The following TMCO4 variants were observed in gnomAD, a reference collection of about 807,000 sequenced individuals.
TMCO4 encodes the protein transmembrane and coiled-coil domain-containing protein 4.
A neutral mutation model predicts 64.7 loss-of-function variants in TMCO4; 58 were observed. That is an observed-to-expected ratio of 0.90 (90% CI 0.73 to 1.12). The LOEUF (loss-of-function observed/expected upper bound fraction) is 1.12, where lower values mean the gene tolerates loss of function less well. Ranked by LOEUF, TMCO4 falls within the 50% of genes most tolerant of loss-of-function variation. The pLI, the probability that TMCO4 is intolerant of heterozygous loss-of-function variation, is 0.00. For synonymous variants in TMCO4, 325 were observed against 346.1 expected, an observed-to-expected ratio of 0.94 and a Z score of 0.68; for missense variants, 780 against 825.9, an observed-to-expected ratio of 0.94 and a Z score of 0.68.
chr1:19,782,812 A>G (rs2043553454), intron 3 of TMCO4, among the ~76,000 whole-genome samples: 1 of 152,188 alleles, frequency 6.6e-6, no homozygotes, highest in Non-Finnish European at 1.5e-5. Context: ...CAGGCTCAGG[A>G]CCAGACAGAC....
chr1:19,746,331 G>C, intron 9 of TMCO4, 125 bp downstream of exon 9: 2 of 1,419,198 alleles, frequency 1.4e-6, no homozygotes, highest in East Asian at 5.0e-5. Context: ...CCCAGAGTGA[G>C]AAAAGCCACG....
intron 13 of TMCO4, among the ~76,000 whole-genome samples, chr1:19,731,459 G>A (rs1278382373): frequency 6.6e-6 from 1 of 152,186 alleles, no homozygotes. Flanking sequence ...TCACATAAGT[G>A]GAGTTCAGAG....
chr1:19,747,078 G>C, intron 8 of TMCO4, 85 bp downstream of exon 8: 1 of 1,401,442 alleles, frequency 7.1e-7, no homozygotes, highest in Non-Finnish European at 1.0e-6. Context: ...CTGAGCCCCT[G>C]CACTCTCCAC....
intron 10 of TMCO4, among the ~76,000 whole-genome samples, chr1:19,742,330 T>C (rs1375671763): frequency 6.6e-6 from 1 of 152,170 alleles, no homozygotes; most frequent in African/African-American, 2.4e-5. Flanking sequence ...CAAAGCCTGG[T>C]GATGTGATGT....
At chr1:19,765,257 T>A (rs2042681479) in intron 6 of TMCO4, among the ~76,000 whole-genome samples, 1 of 152,152 alleles carries the variant, frequency 6.6e-6, no homozygotes, top group Non-Finnish European at 1.5e-5. Context: ...TTCTCCCCTG[T>A]AAGAGCAGGT....
At chr1:19,700,030 A>AC (rs1367309448) in intron 14 of TMCO4, among the ~76,000 whole-genome samples, 1 of 152,116 alleles carries the variant, frequency 6.6e-6, no homozygotes, top group Non-Finnish European at 1.5e-5. Flanking sequence ...CTCTGAAAAC[A>AC]CGTTTGCTTC....
intron 7 of TMCO4, among the ~76,000 whole-genome samples, chr1:19,749,914 C>A (rs773202193): frequency 1.1e-4 from 17 of 152,026 alleles, no homozygotes; most frequent in Non-Finnish European, 2.4e-4. Context: ...CTAGCCTATC[C>A]CCACAGTGGA....
rs993758309 is a variant in TMCO4 at position 19,732,787 on chromosome 1, A to G, written c.1264+4585T>C. On this transcript the variant is annotated intron_variant, in intron 13 of 15. Coordinates refer to ENST00000294543, the MANE Select transcript of TMCO4 (RefSeq NM_181719.7). The surrounding 1 kb of genome is among the most constrained non-coding windows in gnomAD (Gnocchi z 4.8). The stretch of plus-strand genomic sequence containing the variant: ...CAAGTTCTTTTTTCTGAAGGTGACT[A>G]CAGGGGGAAAATGCCAGCTGCACTT... Among the ~76,000 whole-genome samples, 1 of 152,130 alleles carries G rather than the reference A, an allele frequency of 6.6e-6. No homozygotes were observed. The highest frequency in any genetic ancestry group is 1.5e-5 in the Non-Finnish European group (1 of 68,022).
chr1:19,746,701 G>A, intron 8 of TMCO4, 102 bp from the exon 9 acceptor site: 1 of 1,386,278 alleles, frequency 7.2e-7, no homozygotes, highest in Non-Finnish European at 9.8e-7. Context: ...GAGGTGGGCG[G>A]ATCACGAGGT....
chr1:19,740,554 C>A (rs2095474578), intron 11 of TMCO4, among the ~76,000 whole-genome samples: 1 of 152,206 alleles, frequency 6.6e-6, no homozygotes, highest in Admixed American at 6.5e-5. Context: ...TGTCCCACAG[C>A]AATAGCTAAC....
chr1:19,712,211 AAC>A (rs1440955741), intron 13 of TMCO4, among the ~76,000 whole-genome samples: 2 of 152,250 alleles, frequency 1.3e-5, no homozygotes, highest in African/African-American at 2.4e-5. Context: ...GGAGCATCGG[AAC>A]ACACACAACA....
chr1:19,747,146 T>C lies in TMCO4; in HGVS notation c.613+17A>G. On this transcript the variant is annotated intron_variant, in intron 8 of 15. Coordinates refer to ENST00000294543, the MANE Select transcript of TMCO4 (RefSeq NM_181719.7). ...TACAAAACCCAGACGTGTGCCACCATCTCTAGCTGGACTCACCGATCACCG... is the reference window on the plus strand; with the variant it reads ...TACAAAACCCAGACGTGTGCCACCACCTCTAGCTGGACTCACCGATCACCG... The C allele has an allele frequency of 6.2e-7, 1 of 1,612,718 alleles. No homozygotes were observed. The highest frequency in any genetic ancestry group is 1.1e-5 in the South Asian group (1 of 91,052).
Position 19,689,125 on chromosome 1 carries a change from G to T in TMCO4, c.1500+5309C>A, listed in dbSNP as rs1557448796. ...GAGAAGACAGGTCCTGTGGGTCTCT[G>T]TTGGGAGCAGAGGGTGGCCAGCATT... On this transcript the variant is annotated intron_variant, in intron 15 of 15. Transcript: ENST00000294543. 2.6e-5 allele frequency among the ~76,000 whole-genome samples: 4 copies of T among 152,328 alleles called. No homozygotes were observed. The South Asian group carries it at 8.3e-4, about 32-fold the overall frequency.
intron 13 of TMCO4, among the ~76,000 whole-genome samples, chr1:19,731,404 T>C (rs2095429443): frequency 6.6e-6 from 1 of 152,248 alleles, no homozygotes; most frequent in Admixed American, 6.5e-5. Flanking sequence ...GCCTATAACG[T>C]AATCCTCCTA....
At chr1:19,694,320 T>C in intron 15 of TMCO4, 114 bp downstream of exon 15, 2 of 864,288 alleles carry the variant, frequency 2.3e-6, no homozygotes. Flanking sequence ...ATTCTTATGA[T>C]CTTTCTCCTG....
In TMCO4 at chr1:19,740,928, G is replaced by A; in HGVS notation, c.891C>T (p.Ala297=). 1 of 1,610,916 alleles carries A rather than the reference G, an allele frequency of 6.2e-7. No homozygotes were observed. Among genetic ancestry groups the A allele is most frequent in the Non-Finnish European group, 8.5e-7 (1 of 1,178,732 alleles). Residue 297 remains alanine (A), a synonymous_variant, in exon 11 of 16, where the codon GCC becomes GCT. Transcript: ENST00000294543. ...GGCTGTGGGCCAGGGCAGCCCACGG[G>A]GCACTGAAGGTGCCTGGGGAGATCA... ...LASGKYRTFS[A]PWAALAHSRE...
At chr1:19,740,065 T>C (rs947443679) in intron 11 of TMCO4, 105 bp from the exon 12 acceptor site, 1 of 1,368,158 alleles carries the variant, frequency 7.3e-7, no homozygotes, top group South Asian at 1.5e-5. Context: ...AGTCTCCAAC[T>C]TGGACCTGCA....
In TMCO4 at chr1:19,779,696, G is replaced by A. The variant is rs1173870370; in HGVS notation, c.179+884C>T. 7.2e-5 allele frequency among the ~76,000 whole-genome samples: 11 copies of A among 152,226 alleles called. No individual in the cohort carries two copies. The East Asian group carries it at 2.1e-3, about 29-fold the overall frequency. On this transcript the variant is annotated intron_variant, in intron 4 of 15. Coordinates refer to ENST00000294543, the MANE Select transcript of TMCO4 (RefSeq NM_181719.7). ...AGATGTAAGCACCTTGAGGGCAGGA[G>A]CTGGGCCTTGCTCGTCTTTGTTTCC...
chr1:19,742,370 G>T (rs1251254544), intron 10 of TMCO4, among the ~76,000 whole-genome samples: 1 of 152,212 alleles, frequency 6.6e-6, no homozygotes, highest in African/African-American at 2.4e-5. Context: ...CACCATGTGG[G>T]AATGGAGGGG....
Sources: allele counts gnomAD v4.1 joint callset (sites outside exome capture counted in the v4.1 genomes callset), GRCh38; gene constraint gnomAD v4.1.1; non-coding constraint Gnocchi (gnomAD v3.1); transcripts MANE v1.5; gene names NCBI Gene and HGNC (gene_info 2026-07-23, HGNC 2026-07-21).